STXBP5: variants seen among roughly 807,000 people sequenced by gnomAD.
The protein encoded by STXBP5 is syntaxin binding protein 5, also known as syntaxin-binding protein 5.
In STXBP5, 50 loss-of-function variants were observed where a neutral mutation model predicts 152.4. That is an observed-to-expected ratio of 0.33 (90% CI 0.26 to 0.42). The LOEUF (loss-of-function observed/expected upper bound fraction) is 0.42. Ranked by LOEUF, STXBP5 falls within the 10% of genes least tolerant of loss-of-function variation. The pLI, the probability that STXBP5 is intolerant of heterozygous loss-of-function variation, is 1.00. For missense variants in STXBP5, 1,167 were observed against 1,388.6 expected (o/e 0.84, Z 2.54); for synonymous variants, 492 against 494.7 (o/e 0.99, Z 0.07).
chr6:147,350,970 C>G (rs767894845), intron 21 of STXBP5, among the ~76,000 whole-genome samples: 16 of 152,160 alleles, frequency 1.1e-4, no homozygotes, highest in Non-Finnish European at 2.2e-4. Flanking sequence ...TAGGTTTCAG[C>G]TGATTCCAAA....
rs534709987 is a variant in STXBP5, at chr6:147,334,074, G to C, written c.2081-83G>C. 6.8e-4 allele frequency: 919 copies of C among 1,356,536 alleles called. 1 individual carries two copies. The highest frequency in any genetic ancestry group is 8.3e-4 in the Non-Finnish European group (806 of 971,788). The allele number at this position is 1,356,536 out of a possible 1,614,324, so 84.0% of individuals were successfully genotyped here. A position where few individuals can be genotyped will look rare whatever the true frequency, so the allele number is the denominator to read the frequency against. On this transcript the variant is annotated intron_variant, in intron 18 of 27. Transcript: ENST00000321680. ...ATTGGGTTCTTTTAAATGGACAGTAGTTAAATGTGTACTATAAATAAAAGA... is the reference window on the plus strand; with the variant it reads ...ATTGGGTTCTTTTAAATGGACAGTACTTAAATGTGTACTATAAATAAAAGA...
intron 21 of STXBP5, among the ~76,000 whole-genome samples, chr6:147,344,301 A>G (rs1483658894): frequency 6.6e-6 from 1 of 152,194 alleles, no homozygotes; most frequent in Non-Finnish European, 1.5e-5. Context: ...CTTTCTAGAA[A>G]TAAACTGTAG....
chr6:147,267,209 C>G (rs775342537), intron 7 of STXBP5, 42 bp downstream of exon 7: 2 of 1,490,670 alleles, frequency 1.3e-6, no homozygotes, highest in Non-Finnish European at 1.8e-6. Context: ...TCATTTCTCT[C>G]ATATAAAGCA....
chr6:147,314,202 C>A, intron 12 of STXBP5, 62 bp from the exon 13 acceptor site: 1 of 1,427,214 alleles, frequency 7.0e-7, no homozygotes, highest in Non-Finnish European at 9.9e-7. Context: ...CACACACACA[C>A]ACACACACGG....
intron 9 of STXBP5, among the ~76,000 whole-genome samples, chr6:147,302,881 A>G (rs531192461): frequency 6.6e-6 from 1 of 152,324 alleles, no homozygotes; most frequent in South Asian, 2.1e-4. Context: ...TTTTATAATC[A>G]GGTTTTTTAC....
chr6:147,270,304 C>T (rs1161166844), intron 7 of STXBP5, among the ~76,000 whole-genome samples: 2 of 148,456 alleles, frequency 1.3e-5, no homozygotes, highest in African/African-American at 5.0e-5. Context: ...GAGGCCGAGG[C>T]AGGAGAATGG....
chr6:147,383,238 T>C (rs1346984303), intron 27 of STXBP5, among the ~76,000 whole-genome samples: 1 of 152,116 alleles, frequency 6.6e-6, no homozygotes, highest in Non-Finnish European at 1.5e-5. Flanking sequence ...TTCAGGCTTT[T>C]GGTAAGCAAA....
intron 2 of STXBP5, among the ~76,000 whole-genome samples, chr6:147,213,430 ATATATGTGTG>A (rs1342141450): frequency 9.2e-4 from 63 of 68,430 alleles, no homozygotes; most frequent in African/African-American, 2.7e-3. Flanking sequence ...ACATAATTTT[ATATATGTGTG>A]TGTGTGTGTG....
Position 147,204,647 on chromosome 6 carries a change from G to A in STXBP5, c.115G>A (p.Glu39Lys). 6.2e-7 allele frequency: 1 copy of A among 1,610,626 alleles called. No individual in the cohort carries two copies. The highest frequency in any genetic ancestry group is 8.5e-7 in the Non-Finnish European group (1 of 1,178,234). Residue 39 changes from glutamate to lysine, a missense_variant, in exon 1 of 28, where the codon GAA becomes AAA. Around this residue, in one of 3 missense-constraint regions of STXBP5, gnomAD observed 310 missense variants for 346.1 expected, o/e 0.90. Transcript: ENST00000321680. The surrounding 1 kb of genome is among the most constrained non-coding windows in gnomAD (Gnocchi z 4.3). The stretch of plus-strand genomic sequence containing the variant: ...TGGGAACCGGGAGCCGGAGATCCAG[G>A]AAACGCTCCAGTCCGAGCACTTTCA... Reference protein sequence around the residue: ...PPGNREPEIQETLQSEHFQLC... With the variant: ...PPGNREPEIQKTLQSEHFQLC...
At chr6:147,242,726 G>A (rs1376138668) in intron 4 of STXBP5, among the ~76,000 whole-genome samples, 1 of 152,132 alleles carries the variant, frequency 6.6e-6, no homozygotes, top group Non-Finnish European at 1.5e-5. Context: ...GCCTAGGTGT[G>A]TAGTAGGCTA....
chr6:147,254,520 G>A (rs1463547182), intron 4 of STXBP5, among the ~76,000 whole-genome samples: 2 of 152,054 alleles, frequency 1.3e-5, no homozygotes, highest in Non-Finnish European at 2.9e-5. Flanking sequence ...TACAGAATGC[G>A]AGAAAATTTT....
intron 4 of STXBP5, among the ~76,000 whole-genome samples, chr6:147,256,921 A>G (rs552760695): frequency 1.6e-4 from 24 of 152,290 alleles, no homozygotes; most frequent in Non-Finnish European, 2.4e-4. Context: ...GAAGCTGTAC[A>G]TATTCTTCTG....
Position 147,290,536 on chromosome 6 carries a change from A to T in STXBP5, c.839-558A>T, listed in dbSNP as rs537529647. The stretch of plus-strand genomic sequence containing the variant: ...TGAACATGTAGAAATAGATAACTGA[A>T]ATCAACATTTTAAAAAATAATTAGA... On this transcript the variant is annotated intron_variant, in intron 8 of 27. Coordinates refer to ENST00000321680, the MANE Select transcript of STXBP5 (RefSeq NM_001127715.4). 6.2e-4 allele frequency among the ~76,000 whole-genome samples: 94 copies of T among 152,312 alleles called. 3 individuals carry two copies. In the South Asian group the frequency reaches 0.019, roughly 31 times the overall value.
intron 2 of STXBP5, among the ~76,000 whole-genome samples, chr6:147,221,401 T>C (rs1057067679): frequency 2.6e-5 from 4 of 152,144 alleles, no homozygotes. Flanking sequence ...GAGCTGAGTT[T>C]CTGATCTATG....
chr6:147,264,641 G>GA (rs906477773), intron 6 of STXBP5, among the ~76,000 whole-genome samples: 15 of 152,002 alleles, frequency 9.9e-5, no homozygotes, highest in African/African-American at 3.6e-4. Flanking sequence ...TTTTCAAAGA[G>GA]AAAAATTAGA....
intron 2 of STXBP5, among the ~76,000 whole-genome samples, chr6:147,211,872 C>T (rs1359025694): frequency 6.6e-6 from 1 of 152,152 alleles, no homozygotes; most frequent in Non-Finnish European, 1.5e-5. Flanking sequence ...TTTATCCATT[C>T]TTCTCCCTCC....
chr6:147,213,471 T>TGCGCGCGCGCGCGC (rs1210162851), intron 2 of STXBP5, among the ~76,000 whole-genome samples: 1 of 121,482 alleles, frequency 8.2e-6, no homozygotes, highest in Non-Finnish European at 1.8e-5. Flanking sequence ...TGTGTGTGTG[T>TGCGCGCGCGCGCGC]GTGTGTGCGC....
intron 9 of STXBP5, among the ~76,000 whole-genome samples, chr6:147,308,510 C>A (rs1230036534): frequency 6.6e-6 from 1 of 152,132 alleles, no homozygotes; most frequent in Non-Finnish European, 1.5e-5. Flanking sequence ...AGGTACTGTT[C>A]CAGGCACTGT....
intron 15 of STXBP5, 95 bp downstream of exon 15, chr6:147,315,830 T>C (rs1333633831): frequency 6.8e-6 from 8 of 1,168,120 alleles, no homozygotes; most frequent in Non-Finnish European, 9.8e-6. Context: ...GTCAGTTTTG[T>C]GCAGAACTTT....
Sources: gnomAD v4.1 joint callset for allele counts (sites outside exome capture counted in the v4.1 genomes callset) on GRCh38, gnomAD v4.1.1 for gene constraint, gnomAD v4.1.1 regional missense constraint, Gnocchi (gnomAD v3.1) non-coding constraint, MANE v1.5 for transcripts, NCBI Gene and HGNC (gene_info 2026-07-23, HGNC 2026-07-21) for gene names.